Variants in EYA1 observed in about 807,000 individuals in gnomAD.
The protein encoded by EYA1 is EYA transcriptional coactivator and phosphatase 1.
Under a neutral mutation model 82.0 loss-of-function variants are expected in EYA1, and 16 were observed. The ratio of observed to expected loss-of-function variants is 0.20; its 90% CI spans 0.13 to 0.30. EYA1 has a LOEUF of 0.30. EYA1 is among the 10% of genes least tolerant of loss of function. The pLI is 1.00. For synonymous variants in EYA1, 261 were observed against 264.4 expected, an observed-to-expected ratio of 0.99 and a Z score of 0.12; for missense variants, 633 against 730.7, an observed-to-expected ratio of 0.87 and a Z score of 1.54.
intron 2 of EYA1, among the ~76,000 whole-genome samples, chr8:71,421,523 A>G (rs1041901172): frequency 6.6e-6 from 1 of 152,214 alleles, no homozygotes; most frequent in South Asian, 2.1e-4. Context: ...TGATGGTGAC[A>G]TAATAGGATT....
chr8:71,298,414 ACACC>A (rs1474989123), intron 9 of EYA1, among the ~76,000 whole-genome samples: 2 of 152,228 alleles, frequency 1.3e-5, no homozygotes, highest in Non-Finnish European at 1.5e-5. Context: ...AATCAGGCAG[ACACC>A]ATTAAGAGTT....
At chr8:71,545,033 G>A (rs2129294551) in intron 1 of EYA1, among the ~76,000 whole-genome samples, 1 of 152,308 alleles carries the variant, frequency 6.6e-6, no homozygotes, top group Admixed American at 6.5e-5. Flanking sequence ...AATGATGAAT[G>A]GGAGAAAGCT....
intron 2 of EYA1, among the ~76,000 whole-genome samples, chr8:71,453,946 A>G (rs887212069): frequency 2.6e-5 from 4 of 152,356 alleles, no homozygotes; most frequent in East Asian, 1.9e-4. Flanking sequence ...TAGATGGGCT[A>G]AATGCTCCAA....
intron 2 of EYA1, among the ~76,000 whole-genome samples, chr8:71,391,641 C>T (rs1308244101): frequency 1.3e-5 from 2 of 152,150 alleles, no homozygotes; most frequent in Non-Finnish European, 2.9e-5. Context: ...TGGCTAATTT[C>T]AGACTACAAG....
At chr8:71,472,107 T>C (rs1809252724) in intron 2 of EYA1, among the ~76,000 whole-genome samples, 1 of 152,166 alleles carries the variant, frequency 6.6e-6, no homozygotes, top group South Asian at 2.1e-4. Flanking sequence ...TAAAAACATT[T>C]ACTCTATTTT....
chr8:71,369,177 T>C (rs1198339078), intron 2 of EYA1, among the ~76,000 whole-genome samples: 1 of 129,492 alleles, frequency 7.7e-6, no homozygotes, highest in Non-Finnish European at 1.5e-5. Context: ...CTCTCCAGCC[T>C]GGGCAACAGA....
At chr8:71,465,523 T>C (rs1028891754) in intron 2 of EYA1, among the ~76,000 whole-genome samples, 2 of 152,106 alleles carry the variant, frequency 1.3e-5, no homozygotes, top group African/African-American at 4.8e-5. Flanking sequence ...CTCAGGAGGC[T>C]GAGGCAGAAG....
intron 2 of EYA1, among the ~76,000 whole-genome samples, chr8:71,438,026 G>C (rs1806133977): frequency 6.6e-6 from 1 of 152,082 alleles, no homozygotes; most frequent in Non-Finnish European, 1.5e-5. Context: ...TTCTGAATGG[G>C]TCATGCATGA....
In EYA1 at chr8:71,305,589, T is replaced by C. The variant is rs527800019; in HGVS notation, c.557-5869A>G. Reference sequence around the variant, plus strand: ...TGAACTTGGGAGGCTGAAGTTTCAGTGAGCCGAGATCATGCTATTGCGCTC... The same window carrying C: ...TGAACTTGGGAGGCTGAAGTTTCAGCGAGCCGAGATCATGCTATTGCGCTC... On this transcript the variant is annotated intron_variant, in intron 7 of 17. Coordinates refer to ENST00000340726, the MANE Select transcript of EYA1 (RefSeq NM_000503.6). Among the ~76,000 whole-genome samples the C allele has an allele frequency of 1.8e-3, 281 of 152,176 alleles. 12 individuals carry two copies. Among genetic ancestry groups the C allele is most frequent in the African/African-American group, 6.4e-3 (265 of 41,506 alleles).
chr8:71,245,258 G>A (rs1290418804), intron 11 of EYA1, among the ~76,000 whole-genome samples: 3 of 151,200 alleles, frequency 2.0e-5, no homozygotes, highest in East Asian at 1.9e-4. Context: ...ACAGAGTCTC[G>A]CTCTGTCACC....
chr8:71,354,076 T>C (rs1197301564), intron 3 of EYA1, among the ~76,000 whole-genome samples: 1 of 152,104 alleles, frequency 6.6e-6, no homozygotes, highest in African/African-American at 2.4e-5. Context: ...TATAACCTTA[T>C]ATGTTTAATC....
At chr8:71,294,685 C>T (rs10957544) in intron 9 of EYA1, among the ~76,000 whole-genome samples, 14,637 of 152,198 alleles carry the variant, frequency 0.096, 839 homozygotes, top group Non-Finnish European at 0.13. Flanking sequence ...ATAAATTCAA[C>T]GTGATTCCAG....
intron 12 of EYA1, among the ~76,000 whole-genome samples, chr8:71,238,993 T>C (rs1406009102): frequency 6.6e-6 from 1 of 152,078 alleles, no homozygotes; most frequent in East Asian, 1.9e-4. Context: ...TAAATAGCTA[T>C]ATTTTAAGAC....
At chr8:71,333,358 T>C (rs2129046312) in intron 4 of EYA1, among the ~76,000 whole-genome samples, 1 of 152,284 alleles carries the variant, frequency 6.6e-6, no homozygotes, top group African/African-American at 2.4e-5. Context: ...TTTATGGAAT[T>C]ATAGCATTTC....
At chr8:71,461,882 G>C (rs577831247) in intron 2 of EYA1, among the ~76,000 whole-genome samples, 17 of 152,084 alleles carry the variant, frequency 1.1e-4, no homozygotes, top group Non-Finnish European at 1.3e-4. Context: ...CTGCAGACAG[G>C]TCATCCCAAC....
At chr8:71,501,313 G>T (rs1811790814) in intron 2 of EYA1, among the ~76,000 whole-genome samples, 1 of 152,186 alleles carries the variant, frequency 6.6e-6, no homozygotes, top group South Asian at 2.1e-4. Flanking sequence ...GAGCAGTCTT[G>T]CCCAGATGAT....
intron 9 of EYA1, among the ~76,000 whole-genome samples, chr8:71,295,359 G>A (rs1819484504): frequency 6.6e-6 from 1 of 152,104 alleles, no homozygotes; most frequent in African/African-American, 2.4e-5. Flanking sequence ...AATAAACAAA[G>A]AACTCCTAAA....
chr8:71,451,119 C>T (rs1481887364), intron 2 of EYA1, among the ~76,000 whole-genome samples: 1 of 152,114 alleles, frequency 6.6e-6, no homozygotes, highest in African/African-American at 2.4e-5. Flanking sequence ...TTATTCAATG[C>T]TGATGGGAAT....
Position 71,299,669 on chromosome 8 carries a change from G to T in EYA1, c.608C>A (p.Thr203Lys). The change falls in exon 8 of 18, where the codon ACA (threonine) becomes AAA (lysine). Residue 203 changes from threonine to lysine, a missense_variant. Thr to Lys is a moderately conservative substitution (Grantham distance 78). Transcript: ENST00000340726. ...TGAACTATTAAATCCAGAGGAATTT[G>T]TGAGTGAATTATTTCCTGTATATAT... ...SGIYTGNNSL[T>K]NSSGFNSSQQ... 1 of 1,596,094 alleles carries T rather than the reference G, an allele frequency of 6.3e-7. No homozygotes were observed. The highest frequency in any genetic ancestry group is 8.6e-7 in the Non-Finnish European group (1 of 1,164,410).
Sources: allele counts gnomAD v4.1 joint callset (sites outside exome capture counted in the v4.1 genomes callset), GRCh38; gene constraint gnomAD v4.1.1; transcripts MANE v1.5; gene names NCBI Gene and HGNC (gene_info 2026-07-23, HGNC 2026-07-21).